NFIB: variants seen among roughly 807,000 people sequenced by gnomAD.
The protein encoded by NFIB is nuclear factor I B.
In NFIB, 11 loss-of-function variants were observed where a neutral mutation model predicts 61.5. The ratio of observed to expected loss-of-function variants is 0.18; its 90% CI spans 0.11 to 0.30. The LOEUF (loss-of-function observed/expected upper bound fraction) is 0.30. Ranked by LOEUF, NFIB falls within the 10% of genes least tolerant of loss-of-function variation. The pLI is 1.00. For synonymous variants in NFIB, 260 were observed against 216.5 expected (o/e 1.20, Z -1.76); for missense variants, 471 against 608.9 (o/e 0.77, Z 2.38).
intron 2 of NFIB, among the ~76,000 whole-genome samples, chr9:14,208,162 T>C (rs2049940070): frequency 6.6e-6 from 1 of 152,230 alleles, no homozygotes; most frequent in South Asian, 2.1e-4. Context: ...CTGATTTTAA[T>C]GACCTCAGGG....
chr9:14,285,324 T>C (rs1172188191), intron 2 of NFIB, among the ~76,000 whole-genome samples: 1 of 152,158 alleles, frequency 6.6e-6, no homozygotes, highest in Non-Finnish European at 1.5e-5. Flanking sequence ...GGTTTCACCA[T>C]GTCGGCCAGG....
intron 10 of NFIB, among the ~76,000 whole-genome samples, chr9:14,099,305 G>A (rs180784920): frequency 6.8e-4 from 104 of 152,124 alleles, no homozygotes; most frequent in Non-Finnish European, 2.4e-4. Context: ...TAATTCTTTG[G>A]ATGAACAGAC....
chr9:14,161,739 C>T (rs987134380), intron 3 of NFIB, among the ~76,000 whole-genome samples: 3 of 152,072 alleles, frequency 2.0e-5, no homozygotes, highest in Non-Finnish European at 4.4e-5. Context: ...TAATTAACAT[C>T]CTCATACACA....
chr9:14,263,575 T>C lies in NFIB; in HGVS notation c.562+43414A>G, dbSNP rs1009235440. ...GCCTGGCTCAAACCCTGTATACATA[T>C]GGAATTCTGCACTGCGACCTCAGAA... On this transcript the variant is annotated intron_variant, in intron 2 of 10. Coordinates refer to ENST00000380953, the MANE Select transcript of NFIB (RefSeq NM_001190737.2). 2.0e-5 allele frequency among the ~76,000 whole-genome samples: 3 copies of C among 152,186 alleles called. No homozygotes were observed. In the East Asian group the frequency reaches 5.8e-4, roughly 29 times the overall value.
At chr9:14,361,991 A>G (rs774943482) in intron 1 of NFIB, 22 of 152,234 alleles carry the variant, frequency 1.4e-4, no homozygotes, top group Admixed American at 3.9e-4. Context: ...AAGGTGAAAT[A>G]CAAGGAACCA....
chr9:14,430,316 C>T, the NFIB span, among the ~76,000 whole-genome samples: 17 of 151,188 alleles, frequency 1.1e-4, no homozygotes, highest in South Asian at 2.5e-3. Flanking sequence ...GATTATACAG[C>T]GAATTAAGAC....
chr9:14,214,004 C>T (rs1349331470), intron 2 of NFIB, among the ~76,000 whole-genome samples: 1 of 152,176 alleles, frequency 6.6e-6, no homozygotes, highest in Non-Finnish European at 1.5e-5. Context: ...AGAATCGATG[C>T]CACCTTCGGG....
chr9:14,121,480 A>G (rs1252527278), intron 7 of NFIB, among the ~76,000 whole-genome samples: 1 of 152,256 alleles, frequency 6.6e-6, no homozygotes, highest in Non-Finnish European at 1.5e-5. Flanking sequence ...AGAAGGAAAG[A>G]CAATAACTAA....
chr9:14,502,745 T>A, the NFIB span, among the ~76,000 whole-genome samples: 60 of 152,302 alleles, frequency 3.9e-4, no homozygotes, highest in African/African-American at 1.4e-3. Context: ...TTTGTTTCTA[T>A]TTCAATAGGT....
intron 2 of NFIB, among the ~76,000 whole-genome samples, chr9:14,293,111 A>C (rs568078554): frequency 6.6e-6 from 1 of 152,342 alleles, no homozygotes; most frequent in South Asian, 2.1e-4. Flanking sequence ...ATCTGTTTTC[A>C]GTGCGTTACA....
the NFIB span, among the ~76,000 whole-genome samples, chr9:14,428,438 T>C: frequency 6.6e-6 from 1 of 152,106 alleles, no homozygotes; most frequent in Non-Finnish European, 1.5e-5. Flanking sequence ...ATCTAGGATT[T>C]CTGATCAAGT....
chr9:14,118,302 A>G (rs1047912329), intron 8 of NFIB, among the ~76,000 whole-genome samples: 9 of 152,240 alleles, frequency 5.9e-5, no homozygotes, highest in South Asian at 2.1e-4. Context: ...GTGTTCACCA[A>G]AACAGTCTGA....
the NFIB span, among the ~76,000 whole-genome samples, chr9:14,523,178 G>T: frequency 2.0e-5 from 3 of 152,020 alleles, no homozygotes; most frequent in African/African-American, 7.2e-5. Context: ...AGTAGGGCAG[G>T]TGACTTTTCG....
chr9:14,280,482 C>T (rs2058298866), intron 2 of NFIB, among the ~76,000 whole-genome samples: 1 of 152,178 alleles, frequency 6.6e-6, no homozygotes, highest in Non-Finnish European at 1.5e-5. Context: ...TCTTCTCTAA[C>T]CCTACACTCA....
chr9:14,279,602 G>C (rs150949666), intron 2 of NFIB, among the ~76,000 whole-genome samples: 19 of 152,286 alleles, frequency 1.2e-4, no homozygotes, highest in Non-Finnish European at 1.9e-4. Flanking sequence ...GAAGGATGTT[G>C]CTCATCTACA....
At chr9:14,450,025 T>G in the NFIB span, among the ~76,000 whole-genome samples, 1 of 152,212 alleles carries the variant, frequency 6.6e-6, no homozygotes, top group East Asian at 1.9e-4. Flanking sequence ...AATGTGCAGG[T>G]TTGTTACCTA....
At chr9:14,414,312 G>A in the NFIB span, among the ~76,000 whole-genome samples, 71 of 151,660 alleles carry the variant, frequency 4.7e-4, 1 homozygote, top group South Asian at 0.014. Flanking sequence ...GCATGTGCCT[G>A]TAGTCCTAGC....
intron 6 of NFIB, among the ~76,000 whole-genome samples, chr9:14,129,955 A>G (rs1022780854): frequency 1.3e-5 from 2 of 152,348 alleles, no homozygotes; most frequent in Admixed American, 1.3e-4. Context: ...AGTTGAAGAG[A>G]AACAAGTAGA....
the NFIB span, among the ~76,000 whole-genome samples, chr9:14,504,695 T>G: frequency 6.6e-6 from 1 of 152,226 alleles, no homozygotes; most frequent in African/African-American, 2.4e-5. Flanking sequence ...TCCTGAAGCT[T>G]TGCTGAATTC....
Sources: gnomAD v4.1 joint callset for allele counts (sites outside exome capture counted in the v4.1 genomes callset) on GRCh38, gnomAD v4.1.1 for gene constraint, MANE v1.5 for transcripts, NCBI Gene and HGNC (gene_info 2026-07-23, HGNC 2026-07-21) for gene names.